Variants in SEMA6D observed in about 807,000 individuals in gnomAD.
The protein encoded by SEMA6D is semaphorin-6D.
In SEMA6D, 35 loss-of-function variants were observed where a neutral mutation model predicts 106.6. That is an observed-to-expected ratio of 0.33 (90% confidence interval 0.25 to 0.44). SEMA6D has a LOEUF of 0.44. Among genes scored for constraint, SEMA6D ranks in the 20% least tolerant of loss-of-function variants. The pLI, the probability that SEMA6D is intolerant of heterozygous loss-of-function variation, is 1.00. For synonymous variants in SEMA6D, 499 were observed against 487.7 expected (o/e 1.02, Z -0.31); for missense variants, 1,185 against 1,345.9 (o/e 0.88, Z 1.87).
chr15:47,771,662 T>C lies in SEMA6D; in HGVS notation c.3099T>C (p.Ser1033=). ...PSLSRQSSYT[S]NGTLPRTGLK... ...TCTCCAGACAGAGCAGCTACACCAG[T>C]AATGGCACTCTTCCTAGGACGGGAC... The change falls in exon 19 of 19, where the codon AGT becomes AGC. Residue 1033 remains serine, a synonymous_variant. Transcript: ENST00000536845. 1 of 1,614,060 alleles carries C rather than the reference T, an allele frequency of 6.2e-7. No homozygotes were observed. Among genetic ancestry groups the C allele is most frequent in the Non-Finnish European group, 8.5e-7 (1 of 1,179,960 alleles).
intron 3 of SEMA6D, among the ~76,000 whole-genome samples, chr15:47,474,246 T>G (rs912963558): frequency 3.3e-5 from 5 of 152,184 alleles, no homozygotes; most frequent in African/African-American, 1.2e-4. Context: ...CACTGAGCCA[T>G]GAGGAAGACA....
At chr15:47,735,148 G>T (rs2080369356) in intron 1 of SEMA6D, among the ~76,000 whole-genome samples, 1 of 152,208 alleles carries the variant, frequency 6.6e-6, no homozygotes, top group Admixed American at 6.5e-5. Flanking sequence ...AGTTTTGTGT[G>T]TTGGGAGATT....
chr15:47,497,738 T>TA (rs2043715139), intron 3 of SEMA6D, among the ~76,000 whole-genome samples: 1 of 152,102 alleles, frequency 6.6e-6, no homozygotes, highest in African/African-American at 2.4e-5. Context: ...ATCCACCTTC[T>TA]GCTATAACTA....
At chr15:47,459,266 G>A (rs1251050293) in intron 2 of SEMA6D, among the ~76,000 whole-genome samples, 1 of 152,072 alleles carries the variant, frequency 6.6e-6, no homozygotes, top group African/African-American at 2.4e-5. Flanking sequence ...AGACCTCAGA[G>A]CAGCCTTCAG....
intron 3 of SEMA6D, among the ~76,000 whole-genome samples, chr15:47,481,438 T>C (rs979674677): frequency 3.9e-5 from 6 of 152,196 alleles, no homozygotes; most frequent in Admixed American, 2.6e-4. Context: ...AAAACTCTTA[T>C]GCTTTTTTAG....
chr15:47,350,713 A>G (rs2144781469), intron 1 of SEMA6D, among the ~76,000 whole-genome samples: 2 of 152,334 alleles, frequency 1.3e-5, no homozygotes, highest in African/African-American at 4.8e-5. Context: ...TATTTTTAAA[A>G]GAACTGTAGC....
intron 2 of SEMA6D, among the ~76,000 whole-genome samples, chr15:47,442,200 T>G (rs2041903506): frequency 6.6e-6 from 1 of 152,100 alleles, no homozygotes. Context: ...CCTTATATGG[T>G]GCACATCAAA....
chr15:47,248,561 A>G lies in SEMA6D; in HGVS notation c.-239+64143A>G, dbSNP rs980105493. Reference sequence around the variant, plus strand: ...TTATGTTTGCTATGATTTGCCTAAGACAACAGAGATATACCTAATATATTC... The same window carrying G: ...TTATGTTTGCTATGATTTGCCTAAGGCAACAGAGATATACCTAATATATTC... On this transcript the variant is annotated intron_variant, in intron 1 of 19. Coordinates refer to the SEMA6D transcript ENST00000558014. 5.3e-5 allele frequency among the ~76,000 whole-genome samples: 8 copies of G among 152,246 alleles called. No individual in the cohort carries two copies. The South Asian group carries it at 1.7e-3, about 31-fold the overall frequency.
intron 1 of SEMA6D, among the ~76,000 whole-genome samples, chr15:47,345,500 C>T (rs1447336733): frequency 6.6e-6 from 1 of 151,516 alleles, no homozygotes; most frequent in African/African-American, 2.4e-5. Context: ...AATGCCTAGC[C>T]ACATGCAAAA....
At chr15:47,266,325 T>A (rs566428628) in intron 1 of SEMA6D, among the ~76,000 whole-genome samples, 2 of 152,050 alleles carry the variant, frequency 1.3e-5, no homozygotes, top group African/African-American at 4.8e-5. Context: ...TTAGTAACTG[T>A]CTGTTTTAGG....
chr15:47,229,981 C>T (rs1316529567), intron 1 of SEMA6D, among the ~76,000 whole-genome samples: 1 of 152,020 alleles, frequency 6.6e-6, no homozygotes, highest in African/African-American at 2.4e-5. Flanking sequence ...CCAAATAGTG[C>T]ATGAAACTTT....
chr15:47,490,585 C>A (rs139429139), intron 3 of SEMA6D, among the ~76,000 whole-genome samples: 1 of 152,248 alleles, frequency 6.6e-6, no homozygotes, highest in Non-Finnish European at 1.5e-5. Flanking sequence ...GTGGAGGTTG[C>A]AGTGAGCCTA....
intron 1 of SEMA6D, among the ~76,000 whole-genome samples, chr15:47,748,801 T>G (rs2081276255): frequency 6.6e-6 from 1 of 152,218 alleles, no homozygotes; most frequent in African/African-American, 2.4e-5. Context: ...AAAGTGCTTT[T>G]GGACAGGGAT....
At chr15:47,582,892 A>C (rs990511992) in intron 3 of SEMA6D, among the ~76,000 whole-genome samples, 3 of 152,194 alleles carry the variant, frequency 2.0e-5, no homozygotes, top group Admixed American at 2.0e-4. Context: ...AGACACTGCT[A>C]TACCTTTATG....
At chr15:47,231,833 T>C in intron 1 of SEMA6D, among the ~76,000 whole-genome samples, 1 of 152,022 alleles carries the variant, frequency 6.6e-6, no homozygotes, top group East Asian at 1.9e-4. Context: ...AATTGATTCT[T>C]TTTTTAACAT....
intron 4 of SEMA6D, among the ~76,000 whole-genome samples, chr15:47,674,823 T>C (rs767489973): frequency 1.3e-5 from 2 of 152,184 alleles, no homozygotes; most frequent in African/African-American, 2.4e-5. Context: ...GACACCATTT[T>C]GCAGCTGCCC....
chr15:47,650,063 G>A lies in SEMA6D; in HGVS notation c.-55+49167G>A, dbSNP rs115027784. On this transcript the variant is annotated intron_variant, in intron 4 of 19. Coordinates refer to the SEMA6D transcript ENST00000558014. ...TCTGCATAGACAACATATACTGAGC[G>A]CCTGGATGTGCCAGTGATGTGCTGA... is the stretch of plus-strand genomic sequence containing the variant. Among the ~76,000 whole-genome samples the A allele has an allele frequency of 2.1e-3, 324 of 152,254 alleles. 4 individuals are homozygous for A. The highest frequency in any genetic ancestry group is 7.5e-3 in the African/African-American group (312 of 41,552).
intron 1 of SEMA6D, among the ~76,000 whole-genome samples, chr15:47,410,760 C>T (rs1187556609): frequency 6.6e-6 from 1 of 152,108 alleles, no homozygotes; most frequent in Non-Finnish European, 1.5e-5. Context: ...GTTACAAACT[C>T]TCCAAAACCT....
chr15:47,349,595 G>A (rs2038228434), intron 1 of SEMA6D, among the ~76,000 whole-genome samples: 2 of 152,142 alleles, frequency 1.3e-5, no homozygotes, highest in East Asian at 1.9e-4. Context: ...GTGTGGGGCT[G>A]TAGTATAAAT....
Sources: gnomAD v4.1 joint callset for allele counts (sites outside exome capture counted in the v4.1 genomes callset) on GRCh38, gnomAD v4.1.1 for gene constraint, MANE v1.5 for transcripts, NCBI Gene and HGNC (gene_info 2026-07-23, HGNC 2026-07-21) for gene names.